The following AGMO variants were observed in gnomAD, a reference collection of about 807,000 sequenced individuals.
AGMO encodes alkylglycerol monooxygenase, also known as glyceryl-ether monooxygenase.
AGMO carries 75 observed loss-of-function variants against 60.2 expected under a neutral mutation model. That is an observed-to-expected ratio of 1.25 (90% CI 1.03 to 1.51). The LOEUF (loss-of-function observed/expected upper bound fraction) is 1.51. AGMO is among the 40% of genes most tolerant of loss of function. AGMO has a pLI of 0.00. For missense variants in AGMO, 763 were observed against 525.5 expected (o/e 1.45, Z -4.42); for synonymous variants, 261 against 177.1 (o/e 1.47, Z -3.76).
rs61400312 is a variant in AGMO at position 15,406,228 on chromosome 7, T to TACACACACACACACACAC, written c.610-12067_610-12050dup. On this transcript the variant is annotated intron_variant, in intron 5 of 12. Coordinates refer to ENST00000342526, the MANE Select transcript of AGMO (RefSeq NM_001004320.2). Reference sequence around the variant, plus strand: ...ACTCAAAAGGCCCCTTTGTTTGGAATACACACACACACACACACACACACG... The same window carrying TACACACACACACACACAC: ...ACTCAAAAGGCCCCTTTGTTTGGAATACACACACACACACACACACACACACACACACACACACACACG... Among the ~76,000 whole-genome samples, 85 of 136,442 alleles carry TACACACACACACACACAC rather than the reference T, an allele frequency of 6.2e-4. 2 individuals carry two copies. The highest frequency in any genetic ancestry group is 3.9e-3 in the Middle Eastern group (1 of 258). The allele number at this position is 136,442 out of a possible 152,430, so 89.5% of individuals were successfully genotyped here.
chr7:15,532,164 AC>A, intron 3 of AGMO, among the ~76,000 whole-genome samples: 1 of 152,350 alleles, frequency 6.6e-6, no homozygotes, highest in East Asian at 1.9e-4. Context: ...GAAAACCTTA[AC>A]AACCAAATCA....
chr7:15,231,357 A>T (rs111872964), intron 12 of AGMO, among the ~76,000 whole-genome samples: 1 of 152,166 alleles, frequency 6.6e-6, no homozygotes, highest in African/African-American at 2.4e-5. Flanking sequence ...CTTATCTCTC[A>T]CTTCCCCAGC....
chr7:15,368,341 CTTTG>C (rs1208420444), intron 10 of AGMO, among the ~76,000 whole-genome samples: 4 of 150,118 alleles, frequency 2.7e-5, no homozygotes, highest in Admixed American at 1.3e-4. Flanking sequence ...AGGTTTGTTA[CTTTG>C]TTTGATTAAA....
intron 3 of AGMO, among the ~76,000 whole-genome samples, chr7:15,461,909 C>G (rs1367058820): frequency 6.6e-6 from 1 of 152,006 alleles, no homozygotes; most frequent in Non-Finnish European, 1.5e-5. Flanking sequence ...AAAAGTATTA[C>G]AAACATTAAA....
the AGMO span, among the ~76,000 whole-genome samples, chr7:15,171,980 C>T: frequency 1.3e-5 from 2 of 152,170 alleles, no homozygotes; most frequent in East Asian, 3.9e-4. Context: ...GTATTGAGGG[C>T]CTGGGATAAC....
At chr7:15,479,932 T>C (rs2128516688) in intron 3 of AGMO, among the ~76,000 whole-genome samples, 1 of 152,256 alleles carries the variant, frequency 6.6e-6, no homozygotes, top group East Asian at 1.9e-4. Flanking sequence ...TTAACTTATG[T>C]TTAGGCAAGT....
chr7:15,421,838 A>G (rs1188734695), intron 4 of AGMO, among the ~76,000 whole-genome samples: 1 of 152,158 alleles, frequency 6.6e-6, no homozygotes, highest in East Asian at 1.9e-4. Flanking sequence ...GCAAATATCA[A>G]TTTTATTTAG....
chr7:15,458,259 C>A (rs1782047880), intron 3 of AGMO, among the ~76,000 whole-genome samples: 1 of 152,114 alleles, frequency 6.6e-6, no homozygotes, highest in Admixed American at 6.5e-5. Flanking sequence ...AGATTTTTGT[C>A]TTGTAGCAAA....
chr7:15,554,544 G>A lies in AGMO; in HGVS notation c.257+5597C>T, dbSNP rs1785072103. ...CCCCCAAACAGCAGTTTTCTCTTGG[G>A]TCTGAAGTATATGTTTCAGTAAATG... On this transcript the variant is annotated intron_variant, in intron 2 of 12. Transcript: ENST00000342526. Among the ~76,000 whole-genome samples, 4 of 151,902 alleles carry A rather than the reference G, an allele frequency of 2.6e-5. No individual in the cohort carries two copies. The South Asian group carries it at 8.3e-4, about 32-fold the overall frequency.
chr7:15,205,096 A>G (rs780160454), intron 12 of AGMO, among the ~76,000 whole-genome samples: 3 of 152,188 alleles, frequency 2.0e-5, no homozygotes, highest in Non-Finnish European at 4.4e-5. Context: ...CATGCTCTCA[A>G]ATTGCAAACC....
intron 10 of AGMO, among the ~76,000 whole-genome samples, chr7:15,368,065 C>G (rs6956865): frequency 0.035 from 5,378 of 151,984 alleles, 345 homozygotes; most frequent in African/African-American, 0.12. Flanking sequence ...ATTTTAAACC[C>G]TCCAAAGCAA....
At chr7:15,344,256 C>T (rs940432687) in intron 12 of AGMO, among the ~76,000 whole-genome samples, 8 of 152,036 alleles carry the variant, frequency 5.3e-5, no homozygotes, top group African/African-American at 1.4e-4. Context: ...ATTTATGTAC[C>T]AATTTCTTTA....
At chr7:15,264,967 A>G (rs1259071338) in intron 12 of AGMO, among the ~76,000 whole-genome samples, 1 of 152,146 alleles carries the variant, frequency 6.6e-6, no homozygotes, top group Non-Finnish European at 1.5e-5. Flanking sequence ...TTCTATCAAG[A>G]AGACACATGC....
At chr7:15,401,804 T>C (rs1026658069) in intron 5 of AGMO, among the ~76,000 whole-genome samples, 4 of 152,126 alleles carry the variant, frequency 2.6e-5, no homozygotes, top group Admixed American at 2.6e-4. Flanking sequence ...TTTATAAACA[T>C]GCATGTGCAA....
At chr7:15,229,520 G>T (rs1451254994) in intron 12 of AGMO, among the ~76,000 whole-genome samples, 2 of 142,662 alleles carry the variant, frequency 1.4e-5, no homozygotes, top group African/African-American at 5.2e-5. Flanking sequence ...AAAAAAAAAA[G>T]AAAGAAGAAA....
the AGMO span, among the ~76,000 whole-genome samples, chr7:15,138,706 G>T: frequency 9.9e-5 from 15 of 152,130 alleles, no homozygotes; most frequent in Non-Finnish European, 1.9e-4. Flanking sequence ...ATAATGTACA[G>T]CCTGAGACGG....
chr7:15,376,954 G>C (rs956516257), intron 10 of AGMO, among the ~76,000 whole-genome samples: 5 of 151,984 alleles, frequency 3.3e-5, no homozygotes, highest in African/African-American at 1.2e-4. Context: ...GACTCCCAAA[G>C]TTATTTATAT....
At chr7:15,396,655 T>C (rs187813531) in intron 5 of AGMO, 221 of 147,234 alleles carry the variant, frequency 1.5e-3, no homozygotes, top group African/African-American at 5.4e-3. Flanking sequence ...ATTGGTCCAC[T>C]TTACAGAGAG....
intron 12 of AGMO, among the ~76,000 whole-genome samples, chr7:15,281,423 T>G (rs1301565676): frequency 2.0e-5 from 3 of 152,180 alleles, no homozygotes; most frequent in African/African-American, 7.2e-5. Context: ...AGGTTCAGGC[T>G]TGCACAAGGA....
Sources: gnomAD v4.1 joint callset for allele counts (sites outside exome capture counted in the v4.1 genomes callset) on GRCh38, gnomAD v4.1.1 for gene constraint, MANE v1.5 for transcripts, NCBI Gene and HGNC (gene_info 2026-07-23, HGNC 2026-07-21) for gene names.